Variants in PBX1 observed in about 807,000 individuals in gnomAD.
PBX1 encodes pre-B-cell leukemia transcription factor 1.
PBX1 carries 6 observed loss-of-function variants against 53.4 expected under a neutral mutation model. That is an observed-to-expected ratio of 0.11 (90% CI 0.06 to 0.22). PBX1 has a LOEUF of 0.22. Among genes scored for constraint, PBX1 ranks in the 10% least tolerant of loss-of-function variants. PBX1 has a pLI of 1.00. For synonymous variants in PBX1, 204 were observed against 212.3 expected, an observed-to-expected ratio of 0.96 and a Z score of 0.34; for missense variants, 251 against 551.4, an observed-to-expected ratio of 0.46 and a Z score of 5.46.
intron 2 of PBX1, among the ~76,000 whole-genome samples, chr1:164,773,282 CT>C (rs1291999087): frequency 1.2e-4 from 18 of 147,758 alleles, no homozygotes; most frequent in Admixed American, 4.8e-4. Context: ...CAGAGTTTTT[CT>C]TGATATGCTG....
At chr1:164,587,800 C>T (rs1655054114) in intron 2 of PBX1, among the ~76,000 whole-genome samples, 2 of 152,228 alleles carry the variant, frequency 1.3e-5, no homozygotes, top group South Asian at 2.1e-4. Context: ...ACACGCGCCA[C>T]ACCAGGGGGT....
At chr1:164,875,528 G>A (rs1298132794) in intron 2 of PBX1, among the ~76,000 whole-genome samples, 1 of 152,036 alleles carries the variant, frequency 6.6e-6, no homozygotes, top group African/African-American at 2.4e-5. Flanking sequence ...CGAACTCCTG[G>A]GCTCAAGTGA....
chr1:164,781,963 C>G (rs1667954791), intron 2 of PBX1, among the ~76,000 whole-genome samples: 1 of 152,222 alleles, frequency 6.6e-6, no homozygotes, highest in African/African-American at 2.4e-5. Flanking sequence ...AGATTTTTAT[C>G]TTATTTTTAG....
chr1:164,813,169 A>C (rs527644183), intron 6 of PBX1: 1 of 152,332 alleles, frequency 6.6e-6, no homozygotes, highest in Non-Finnish European at 1.5e-5. Flanking sequence ...TACTGGAGAA[A>C]TGTAGGGTTC....
chr1:164,662,401 C>T lies in PBX1; in HGVS notation c.265+99090C>T, dbSNP rs545534172. Among the ~76,000 whole-genome samples, 3 of 152,300 alleles carry T rather than the reference C, an allele frequency of 2.0e-5. No homozygotes were observed. In the South Asian group the frequency reaches 6.2e-4, roughly 32 times the overall value. ...ACCAGACTCTGGGCCTTCTAGGAGA[C>T]AGGGTGTAGGCAGAGTTAATAGGAT... is the stretch of plus-strand genomic sequence containing the variant. On this transcript the variant is annotated intron_variant, in intron 2 of 8. Coordinates refer to ENST00000420696, the MANE Select transcript of PBX1 (RefSeq NM_002585.4).
intron 2 of PBX1, among the ~76,000 whole-genome samples, chr1:164,653,060 T>G (rs965438584): frequency 6.6e-5 from 10 of 151,732 alleles, no homozygotes; most frequent in Non-Finnish European, 1.2e-4. Context: ...AGAGATGGAG[T>G]TTTGCCATGT....
chr1:164,834,997 A>G (rs1451755272), intron 8 of PBX1, among the ~76,000 whole-genome samples: 2 of 152,158 alleles, frequency 1.3e-5, no homozygotes, highest in Non-Finnish European at 2.9e-5. Context: ...TTTACTGTTA[A>G]CTTTGTGCTC....
At chr1:164,567,640 CATAAT>C (rs994966987) in intron 2 of PBX1, among the ~76,000 whole-genome samples, 6 of 152,094 alleles carry the variant, frequency 3.9e-5, no homozygotes, top group South Asian at 2.1e-4. Context: ...CTCTGACAGA[CATAAT>C]ATAAGAAGAA....
At chr1:164,768,002 CTTT>C (rs56064016) in intron 2 of PBX1, among the ~76,000 whole-genome samples, 1 of 148,418 alleles carries the variant, frequency 6.7e-6, no homozygotes, top group South Asian at 2.1e-4. Flanking sequence ...TCCATATATA[CTTT>C]TTTTTTTTCC....
chr1:164,791,087 T>C (rs1246497424), intron 2 of PBX1, among the ~76,000 whole-genome samples: 1 of 152,138 alleles, frequency 6.6e-6, no homozygotes, highest in African/African-American at 2.4e-5. Context: ...CTTCCCTCTT[T>C]CCCACCCTAC....
In PBX1 at chr1:164,610,289, C is replaced by G. The variant is rs186691482; in HGVS notation, c.265+46978C>G. 2.2e-3 allele frequency among the ~76,000 whole-genome samples: 341 copies of G among 152,212 alleles called. 7 individuals carry two copies. The highest frequency in any genetic ancestry group is 0.017 in the Admixed American group (267 of 15,296). On this transcript the variant is annotated intron_variant, in intron 2 of 8. Transcript: ENST00000420696. The stretch of plus-strand genomic sequence containing the variant: ...CGGTGGTCCATGAGCCCCTCCCCTT[C>G]TCACCTTTGAAGCAAGAAGGGGCTG...
chr1:164,620,704 A>T (rs570211264), intron 2 of PBX1, among the ~76,000 whole-genome samples: 126 of 151,192 alleles, frequency 8.3e-4, no homozygotes, highest in East Asian at 7.8e-4. Flanking sequence ...TTTTTTTGTG[A>T]TGGAGTCTTG....
chr1:164,577,446 CCTGCCCATGCACGCATAGTTGCCT>C (rs1217204441), intron 2 of PBX1, among the ~76,000 whole-genome samples: 1 of 152,200 alleles, frequency 6.6e-6, no homozygotes, highest in African/African-American at 2.4e-5. Flanking sequence ...TTTGCCCCCT[CCTGCCCATGCACGCATAGTTGCCT>C]CCCTTCCCCC....
intron 2 of PBX1, among the ~76,000 whole-genome samples, chr1:164,692,946 T>C (rs1662578343): frequency 6.6e-6 from 1 of 152,140 alleles, no homozygotes; most frequent in Non-Finnish European, 1.5e-5. Context: ...CTAGCCCAGA[T>C]TGGGTTCTTT....
chr1:164,729,165 A>C (rs1216684221), intron 2 of PBX1, among the ~76,000 whole-genome samples: 2 of 152,246 alleles, frequency 1.3e-5, no homozygotes, highest in African/African-American at 4.8e-5. Flanking sequence ...GGTTTAAAAA[A>C]GTAAAAAATA....
rs115986646 is a variant in PBX1, at chr1:164,593,250, G to T, written c.265+29939G>T. On this transcript the variant is annotated intron_variant, in intron 2 of 8. Coordinates refer to ENST00000420696, the MANE Select transcript of PBX1 (RefSeq NM_002585.4). Reference sequence around the variant, plus strand: ...GGGAATAACAGGCATGAGCCACCACGCCTGGCCAACCCTTAGATTCTTTTT... The same window carrying T: ...GGGAATAACAGGCATGAGCCACCACTCCTGGCCAACCCTTAGATTCTTTTT... Among the ~76,000 whole-genome samples the T allele has an allele frequency of 1.8e-3, 267 of 152,238 alleles. 3 individuals carry two copies. The highest frequency in any genetic ancestry group is 5.4e-3 in the African/African-American group (225 of 41,560).
chr1:164,870,281 CTTTCTTTCTTTCTT>C (rs1672335720), intron 2 of PBX1, among the ~76,000 whole-genome samples: 2 of 23,706 alleles, frequency 8.4e-5, no homozygotes, highest in African/African-American at 3.0e-4. Context: ...TTCTTTCTTT[CTTTCTTTCTTTCTT>C]TCTTTCTTTC....
At chr1:164,609,660 T>C (rs1456369351) in intron 2 of PBX1, among the ~76,000 whole-genome samples, 1 of 152,130 alleles carries the variant, frequency 6.6e-6, no homozygotes, top group Non-Finnish European at 1.5e-5. Flanking sequence ...GTGAGCCGCA[T>C]GGATTTCATG....
intron 2 of PBX1, among the ~76,000 whole-genome samples, chr1:164,783,029 C>CT (rs1668007400): frequency 6.6e-6 from 1 of 152,210 alleles, no homozygotes; most frequent in Non-Finnish European, 1.5e-5. Context: ...GCCAGCTCGT[C>CT]TGACACAAGG....
Sources: gnomAD v4.1 joint callset for allele counts (sites outside exome capture counted in the v4.1 genomes callset) on GRCh38, gnomAD v4.1.1 for gene constraint, MANE v1.5 for transcripts, NCBI Gene and HGNC (gene_info 2026-07-23, HGNC 2026-07-21) for gene names.